The following ESYT3 variants were observed in gnomAD, a reference collection of about 807,000 sequenced individuals.
The protein encoded by ESYT3 is extended synaptotagmin-3.
Under a neutral mutation model 111.5 loss-of-function variants are expected in ESYT3, and 101 were observed. The ratio of observed to expected loss-of-function variants is 0.91; its 90% confidence interval spans 0.77 to 1.07. ESYT3 has a LOEUF of 1.07. Ranked by LOEUF, ESYT3 falls within the 50% of genes least tolerant of loss-of-function variation. The pLI, the probability that ESYT3 is intolerant of heterozygous loss-of-function variation, is 0.00. For synonymous variants in ESYT3, 416 were observed against 446.8 expected (o/e 0.93, Z 0.87); for missense variants, 1,097 against 1,109.4 (o/e 0.99, Z 0.16).
chr3:138,447,281 G>A (rs1277320159), intron 1 of ESYT3, among the ~76,000 whole-genome samples: 1 of 152,022 alleles, frequency 6.6e-6, no homozygotes, highest in Non-Finnish European at 1.5e-5. Flanking sequence ...TAGGCCACAA[G>A]GAATTATCAA....
intron 5 of ESYT3, 104 bp from the exon 6 acceptor site, chr3:138,459,841 G>A: frequency 1.0e-6 from 1 of 958,322 alleles, no homozygotes; most frequent in Non-Finnish European, 1.6e-6. Context: ...GACATGTGGG[G>A]CAGCGTGGGC....
Position 138,473,587 on chromosome 3 carries a change from C to T in ESYT3, c.2289C>T (p.Arg763=). 2.5e-6 allele frequency: 4 copies of T among 1,613,902 alleles called. No homozygotes were observed. Among genetic ancestry groups the T allele is most frequent in the Non-Finnish European group, 3.4e-6 (4 of 1,179,890 alleles). The part of the protein sequence containing the change: ...RQLGEIQLTV[R]YVCLRRCLSV... ...TGGGTGAGATTCAGCTCACAGTGCG[C>T]TATGTGTGTCTGCGGCGCTGCCTCA... The change falls in exon 19 of 23, where the codon CGC becomes CGT. Residue 763 remains arginine, a synonymous_variant. Coordinates refer to ENST00000389567, the MANE Select transcript of ESYT3 (RefSeq NM_031913.5).
intron 4 of ESYT3, among the ~76,000 whole-genome samples, chr3:138,457,997 C>T (rs113248266): frequency 3.3e-4 from 50 of 152,180 alleles, no homozygotes; most frequent in African/African-American, 1.1e-3. Flanking sequence ...CTGGGCTCTG[C>T]GGCACCTCAG....
Position 138,460,622 on chromosome 3 carries a change from C to G in ESYT3, c.750C>G (p.Ile250Met). ...VFFLQKPHLQ[I>M]NWTGLTNLLD... ...CTCTGCCCCTGAAGCACCTACAGATCAACTGGACTGGCCTGACCAACCTGC... is the reference window on the plus strand; with the variant it reads ...CTCTGCCCCTGAAGCACCTACAGATGAACTGGACTGGCCTGACCAACCTGC... Residue 250 changes from isoleucine (I) to methionine (M), a missense_variant, in exon 7 of 23, where the codon ATC becomes ATG. Ile to Met is a conservative substitution (Grantham distance 10). Transcript: ENST00000389567. The G allele has an allele frequency of 1.2e-6, 2 of 1,614,088 alleles. No homozygotes were observed. The highest frequency in any genetic ancestry group is 1.7e-6 in the Non-Finnish European group (2 of 1,179,964).
At chr3:138,460,791 C>T in intron 7 of ESYT3, 125 bp downstream of exon 7, 1 of 1,093,004 alleles carries the variant, frequency 9.1e-7, no homozygotes, top group Non-Finnish European at 1.4e-6. Flanking sequence ...GAGGGAGAAG[C>T]ATTGGTCTGT....
chr3:138,471,599 GTTTGT>G (rs1345592764), intron 17 of ESYT3, among the ~76,000 whole-genome samples: 1 of 152,124 alleles, frequency 6.6e-6, no homozygotes, highest in Non-Finnish European at 1.5e-5. Flanking sequence ...AAATTTTGAT[GTTTGT>G]TTTGTCTGTT....
At chr3:138,455,519 C>T (rs981164693) in intron 3 of ESYT3, among the ~76,000 whole-genome samples, 191 bp downstream of exon 3, 1 of 152,192 alleles carries the variant, frequency 6.6e-6, no homozygotes, top group East Asian at 1.9e-4. Context: ...CCTTCCCCCA[C>T]ATCCCTGTAC....
chr3:138,467,895 A>G (rs1335422155), intron 11 of ESYT3, among the ~76,000 whole-genome samples: 1 of 152,114 alleles, frequency 6.6e-6, no homozygotes, highest in Admixed American at 6.5e-5. Context: ...TTTTAATCCC[A>G]CAGTGTAGCA....
chr3:138,472,823 C>T lies in ESYT3; in HGVS notation c.2201C>T (p.Ser734Phe). The T allele has an allele frequency of 1.9e-6, 3 of 1,614,206 alleles. No individual in the cohort carries two copies. Among genetic ancestry groups the T allele is most frequent in the Non-Finnish European group, 1.7e-6 (2 of 1,180,024 alleles). The change falls in exon 18 of 23, where the codon TCT becomes TTT. Residue 734 changes from serine (S) to phenylalanine (F), a missense_variant. By Grantham distance (155) the Ser-to-Phe change is radical. Coordinates refer to ENST00000389567, the MANE Select transcript of ESYT3 (RefSeq NM_031913.5). ...TCCTCGCTCAACTCCTTGGCCTCTT[C>T]TTGCTTTGACCTGGCAGATATCAGC... ...SMSSLNSLAS[S>F]CFDLADISLN...
Position 138,479,866 on chromosome 3 carries a change from C to T in ESYT3, c.*3012C>T, listed in dbSNP as rs2033647178. On this transcript the variant is annotated 3_prime_UTR_variant, in exon 23 of 23. Coordinates refer to ENST00000389567, the MANE Select transcript of ESYT3 (RefSeq NM_031913.5). The stretch of plus-strand genomic sequence containing the variant: ...GCATCCTGAAGTTGATATTCTGTAT[C>T]CCCTAGAGTCCACTTCTACCCCGTT... 1 of 152,136 alleles carries T rather than the reference C, an allele frequency of 6.6e-6. No individual in the cohort carries two copies. Among genetic ancestry groups the T allele is most frequent in the Non-Finnish European group, 1.5e-5 (1 of 68,020 alleles). 9.4% of individuals were successfully genotyped at this position (152,136 alleles called of 1,614,324 possible).
At chr3:138,467,503 GC>G in intron 10 of ESYT3, 57 bp from the exon 11 acceptor site, 1 of 1,558,326 alleles carries the variant, frequency 6.4e-7, no homozygotes, top group Admixed American at 1.7e-5. Flanking sequence ...GGGCCTCCAT[GC>G]CCTCTGCTGC....
At chr3:138,451,951 C>A in intron 1 of ESYT3, 97 bp from the exon 2 acceptor site, 1 of 1,340,076 alleles carries the variant, frequency 7.5e-7, no homozygotes, top group Non-Finnish European at 1.1e-6. Context: ...TGAGGTGCAG[C>A]GCGTGGGCGG....
rs916571274 is a variant in ESYT3, at chr3:138,440,941, C to G, written c.327+5816C>G. Among the ~76,000 whole-genome samples the G allele has an allele frequency of 3.5e-4, 54 of 152,340 alleles. No homozygotes were observed. The highest frequency in any genetic ancestry group is 1.2e-3 in the African/African-American group (51 of 41,584). On this transcript the variant is annotated intron_variant, in intron 1 of 22. Coordinates refer to ENST00000389567, the MANE Select transcript of ESYT3 (RefSeq NM_031913.5). This position sits in a 1 kb window ranked among gnomAD's most constrained non-coding sequence, Gnocchi z 4.2. Reference sequence around the variant, plus strand: ...CCCCTGCCCTTGAGGAACCCATGAGCTAGATGGAGATTCAGACCTGCAAGG... The same window carrying G: ...CCCCTGCCCTTGAGGAACCCATGAGGTAGATGGAGATTCAGACCTGCAAGG...
At chr3:138,481,302 G>A (rs2033683815), downstream of ESYT3, 1 of 152,178 alleles carries the variant, frequency 6.6e-6, no homozygotes, top group African/African-American at 2.4e-5. Context: ...CTACTTGGAA[G>A]GCCGAGGTGG....
rs144798854 is a variant in ESYT3, at chr3:138,457,674, C to T, written c.581+30C>T. On this transcript the variant is annotated intron_variant, in intron 4 of 22. Coordinates refer to ENST00000389567, the MANE Select transcript of ESYT3 (RefSeq NM_031913.5). ...GCTCTATCGGGCTGGGTATGGGCTT[C>T]GGGGTGCAGGGGACACAGTGGGAAC... 71 of 1,607,954 alleles carry T rather than the reference C, an allele frequency of 4.4e-5. No homozygotes were observed. In the Middle Eastern group the frequency reaches 6.7e-4, roughly 15 times the overall value.
chr3:138,448,180 T>G (rs1263800696), intron 1 of ESYT3, among the ~76,000 whole-genome samples: 2 of 143,742 alleles, frequency 1.4e-5, no homozygotes, highest in African/African-American at 2.6e-5. Flanking sequence ...GGCTGGAGAA[T>G]CACTTGAACC....
At chr3:138,465,980 A>C (rs1298891171) in intron 10 of ESYT3, among the ~76,000 whole-genome samples, 3 of 152,222 alleles carry the variant, frequency 2.0e-5, no homozygotes, top group Non-Finnish European at 4.4e-5. Context: ...CCCATCCCCT[A>C]AATGAATATC....
chr3:138,479,889 G>A lies in ESYT3; in HGVS notation c.*3035G>A, dbSNP rs772266352. On this transcript the variant is annotated 3_prime_UTR_variant, in exon 23 of 23. Coordinates refer to ENST00000389567, the MANE Select transcript of ESYT3 (RefSeq NM_031913.5). ...ATCCCCTAGAGTCCACTTCTACCCC[G>A]TTTAGTAGTAAATACAAGAATTGCT... The A allele has an allele frequency of 6.6e-6, 1 of 152,094 alleles. No individual in the cohort carries two copies. Among genetic ancestry groups the A allele is most frequent in the Non-Finnish European group, 1.5e-5 (1 of 68,014 alleles). 9.4% of individuals were successfully genotyped at this position (152,094 alleles called of 1,614,324 possible). A position where few individuals can be genotyped will look rare whatever the true frequency, so the allele number is the denominator to read the frequency against.
intron 18 of ESYT3, 59 bp from the exon 19 acceptor site, chr3:138,473,477 T>C: frequency 1.4e-6 from 2 of 1,431,944 alleles, no homozygotes; most frequent in South Asian, 1.2e-5. Context: ...TCTTTGGGGG[T>C]GGCGGAAGAG....
Sources: allele counts gnomAD v4.1 joint callset (sites outside exome capture counted in the v4.1 genomes callset), GRCh38; gene constraint gnomAD v4.1.1; non-coding constraint Gnocchi (gnomAD v3.1); transcripts MANE v1.5; gene names NCBI Gene and HGNC (gene_info 2026-07-23, HGNC 2026-07-21).